Variants in SPP2 observed in about 807,000 individuals in gnomAD.
SPP2 encodes secreted phosphoprotein 2, also known as secreted phosphoprotein 24.
SPP2 carries 34 observed loss-of-function variants against 28.8 expected under a neutral mutation model. The ratio of observed to expected loss-of-function variants is 1.18; its 90% CI spans 0.90 to 1.57. The LOEUF is 1.57. Among genes scored for constraint, SPP2 ranks in the 40% most tolerant of loss-of-function variants. SPP2 has a pLI of 0.00. For missense variants in SPP2, 269 were observed against 263.9 expected (o/e 1.02, Z -0.13); for synonymous variants, 96 against 89.4 (o/e 1.07, Z -0.42).
chr2:234,058,109 T>C (rs1693643903), intron 2 of SPP2, among the ~76,000 whole-genome samples: 1 of 152,154 alleles, frequency 6.6e-6, no homozygotes. Flanking sequence ...TTAATATATA[T>C]TGTTGATTCA....
chr2:234,074,224 CTTAT>C (rs1345947348), intron 7 of SPP2, among the ~76,000 whole-genome samples: 1 of 152,118 alleles, frequency 6.6e-6, no homozygotes, highest in Non-Finnish European at 1.5e-5. Flanking sequence ...AACTTCAAGA[CTTAT>C]TTGTTTAAGA....
intron 4 of SPP2, among the ~76,000 whole-genome samples, chr2:234,063,667 A>G (rs1484120075): frequency 6.6e-6 from 1 of 152,242 alleles, no homozygotes; most frequent in Non-Finnish European, 1.5e-5. Context: ...GCACTCACTC[A>G]ACCTCGTACT....
At chr2:234,061,126 T>C (rs1693711851) in intron 4 of SPP2, among the ~76,000 whole-genome samples, 1 of 152,194 alleles carries the variant, frequency 6.6e-6, no homozygotes, top group Non-Finnish European at 1.5e-5. Flanking sequence ...AGGACCCTTA[T>C]TTTTCCTCAA....
At chr2:234,057,127 A>G (rs1234584214) in intron 2 of SPP2, among the ~76,000 whole-genome samples, 1 of 152,114 alleles carries the variant, frequency 6.6e-6, no homozygotes, top group Non-Finnish European at 1.5e-5. Context: ...CAGGCTCCCC[A>G]CTGGCTTCCT....
At position 234,050,870 on chromosome 2, in the gene SPP2, A is replaced by T. The variant is rs1281586992; in HGVS notation, c.84A>T (p.Ser28=). The T allele has an allele frequency of 4.3e-6, 7 of 1,613,962 alleles. No individual in the cohort carries two copies. The highest frequency in any genetic ancestry group is 5.9e-6 in the Non-Finnish European group (7 of 1,179,936). ...FALGMNYWSC[S]GFPVYDYDPS... ...TTGGAATGAACTACTGGTCTTGCTC[A>T]GGTAAGGTATTCACCAACCTGGCCA... The change falls in exon 1 of 8, where the codon TCA becomes TCT. Residue 28 remains serine, a splice_region_variant and synonymous_variant. Coordinates refer to ENST00000168148, the MANE Select transcript of SPP2 (RefSeq NM_006944.3).
At chr2:234,057,810 C>T (rs1693638131) in intron 2 of SPP2, among the ~76,000 whole-genome samples, 1 of 152,216 alleles carries the variant, frequency 6.6e-6, no homozygotes, top group African/African-American at 2.4e-5. Context: ...GGAGAATAGT[C>T]TGTACTGCAG....
intron 7 of SPP2, among the ~76,000 whole-genome samples, chr2:234,071,857 C>T (rs908955084): frequency 1.3e-5 from 2 of 152,208 alleles, no homozygotes; most frequent in Non-Finnish European, 2.9e-5. Flanking sequence ...GTTGTCACTT[C>T]CCTTTGGAGG....
At chr2:234,059,045 C>G (rs138085212) in intron 3 of SPP2, 87 bp downstream of exon 3, 3 of 1,496,342 alleles carry the variant, frequency 2.0e-6, no homozygotes, top group Non-Finnish European at 2.7e-6. Context: ...AGAACTTGGT[C>G]GCTGCCTGGC....
rs1010670289 is a variant in SPP2 at position 234,070,096 on chromosome 2, G to C, written c.*10+73G>C. On this transcript the variant is annotated intron_variant, in intron 7 of 7. Transcript: ENST00000168148. ...GTGGAGTGAACGCCTTAAAACTGCT[G>C]ACCTTCAAATATCTGCAATATGCTA... is the stretch of plus-strand genomic sequence containing the variant. 4.9e-6 allele frequency: 6 copies of C among 1,227,386 alleles called. No homozygotes were observed. In the African/African-American group the frequency reaches 7.5e-5, roughly 15 times the overall value. 76.0% of individuals were successfully genotyped at this position (1,227,386 alleles called of 1,614,324 possible).
At chr2:234,062,711 A>G (rs1285543157) in intron 4 of SPP2, among the ~76,000 whole-genome samples, 1 of 152,208 alleles carries the variant, frequency 6.6e-6, no homozygotes, top group East Asian at 1.9e-4. Context: ...ATGTTGAAAG[A>G]AATGGATTCT....
Position 234,071,742 on chromosome 2 carries a change from C to T in SPP2, c.*10+1719C>T, listed in dbSNP as rs115248485. 6.5e-3 allele frequency among the ~76,000 whole-genome samples: 984 copies of T among 152,316 alleles called. 10 individuals carry two copies. Among genetic ancestry groups the T allele is most frequent in the African/African-American group, 0.022 (910 of 41,562 alleles). Reference sequence around the variant, plus strand: ...GCCCACATCTCCAGCCTCACCTGGCCGCTCAGCTCCTGAGGCACTGAGGTA... The same window carrying T: ...GCCCACATCTCCAGCCTCACCTGGCTGCTCAGCTCCTGAGGCACTGAGGTA... On this transcript the variant is annotated intron_variant, in intron 7 of 7. Transcript: ENST00000168148.
At chr2:234,051,785 T>C (rs1405732363) in intron 2 of SPP2, among the ~76,000 whole-genome samples, 1 of 152,176 alleles carries the variant, frequency 6.6e-6, no homozygotes, top group African/African-American at 2.4e-5. Context: ...AGAGAGGTTC[T>C]ATAAAGTTGC....
chr2:234,054,797 T>G (rs1911594), intron 2 of SPP2, among the ~76,000 whole-genome samples: 51,815 of 151,846 alleles, frequency 0.34, 9,135 homozygotes, highest in South Asian at 0.5. Context: ...GAGAAACTGA[T>G]CATGGTGAGA....
At chr2:234,062,483 T>G (rs1426002674) in intron 4 of SPP2, among the ~76,000 whole-genome samples, 1 of 152,048 alleles carries the variant, frequency 6.6e-6, no homozygotes, top group Non-Finnish European at 1.5e-5. Flanking sequence ...ACATTAGCAG[T>G]CAAGATGGAC....
At chr2:234,067,755 C>T (rs1286235230) in intron 6 of SPP2, among the ~76,000 whole-genome samples, 5 of 2,956 alleles carry the variant, frequency 1.7e-3, no homozygotes, top group East Asian at 0.028. Context: ...CCAACCTGGG[C>T]GACAGAGGCC....
intron 6 of SPP2, among the ~76,000 whole-genome samples, chr2:234,067,548 C>A (rs529292134): frequency 6.6e-6 from 1 of 151,928 alleles, no homozygotes; most frequent in Non-Finnish European, 1.5e-5. Context: ...GAGGCCGAGG[C>A]GGGCGGATCA....
In SPP2 at chr2:234,067,279, G is replaced by A; in HGVS notation, c.550+5G>A. The A allele has an allele frequency of 6.2e-7, 1 of 1,613,970 alleles. No homozygotes were observed. The highest frequency in any genetic ancestry group is 8.5e-7 in the Non-Finnish European group (1 of 1,179,902). ...AATTTTATGATCGGTCACTTGGTAA[G>A]TGATTTCTTTCCTGCTGTGCCACCA... On this transcript the variant is annotated splice_donor_5th_base_variant and intron_variant, in intron 6 of 7. Coordinates refer to ENST00000168148, the MANE Select transcript of SPP2 (RefSeq NM_006944.3).
At chr2:234,074,060 G>A (rs1292066611) in intron 7 of SPP2, among the ~76,000 whole-genome samples, 1 of 152,034 alleles carries the variant, frequency 6.6e-6, no homozygotes. Flanking sequence ...GTTTCATTGA[G>A]GAGGAAGCAG....
rs550423192 is a variant in SPP2 at position 234,060,107 on chromosome 2, G to A, written c.334-262G>A. On this transcript the variant is annotated intron_variant, in intron 3 of 7. Coordinates refer to ENST00000168148, the MANE Select transcript of SPP2 (RefSeq NM_006944.3). ...TTGTCCGAATGAAAATTGACTCAGG[G>A]CAGCCCAGTTAGCACTCATGGGGGA... Among the ~76,000 whole-genome samples, 21 of 152,272 alleles carry A rather than the reference G, an allele frequency of 1.4e-4. No individual in the cohort carries two copies. The East Asian group carries it at 4.1e-3, about 29-fold the overall frequency.
Sources: allele counts gnomAD v4.1 joint callset (sites outside exome capture counted in the v4.1 genomes callset), GRCh38; gene constraint gnomAD v4.1.1; transcripts MANE v1.5; gene names NCBI Gene and HGNC (gene_info 2026-07-23, HGNC 2026-07-21).